Variants in ERBB2 observed in about 807,000 individuals in gnomAD.
The protein encoded by ERBB2 is receptor tyrosine-protein kinase erbB-2.
In ERBB2, 61 loss-of-function variants were observed where a neutral mutation model predicts 149.0. The ratio of observed to expected loss-of-function variants is 0.41; its 90% CI spans 0.33 to 0.51. ERBB2 has a LOEUF of 0.51. Among genes scored for constraint, ERBB2 ranks in the 20% least tolerant of loss-of-function variants. The pLI is 0.25. For synonymous variants in ERBB2, 633 were observed against 678.8 expected, an observed-to-expected ratio of 0.93 and a Z score of 1.05; for missense variants, 1,205 against 1,655.1, an observed-to-expected ratio of 0.73 and a Z score of 4.72.
rs1411350560 is a variant in ERBB2 at position 39,727,801 on chromosome 17, A to G, written c.3525A>G (p.Pro1175=). 2 of 1,613,308 alleles carry G rather than the reference A, an allele frequency of 1.2e-6. No homozygotes were observed. Among genetic ancestry groups the G allele is most frequent in the Middle Eastern group, 1.7e-4 (1 of 6,050 alleles). Residue 1175 remains proline (P), a synonymous_variant, in exon 27 of 27, where the codon CCA becomes CCG. Transcript: ENST00000269571. This position sits in a 1 kb window ranked among gnomAD's most constrained non-coding sequence, Gnocchi z 4.3. ...TGGAAAGGCCCAAGACTCTCTCCCC[A>G]GGGAAGAATGGGGTCGTCAAAGACG... ...ATLERPKTLS[P]GKNGVVKDVF...
chr17:39,692,681 A>G (rs2057740939), upstream of ERBB2, among the ~76,000 whole-genome samples: 1 of 152,144 alleles, frequency 6.6e-6, no homozygotes, highest in Non-Finnish European at 1.5e-5. Context: ...CTAGGATTAC[A>G]GGCGTGAGCC....
chr17:39,719,679 TG>T, intron 15 of ERBB2, 107 bp from the exon 16 acceptor site: 2 of 1,095,486 alleles, frequency 1.8e-6, no homozygotes, highest in Non-Finnish European at 2.8e-6. Flanking sequence ...CTTTGTCAAA[TG>T]GGGATAATGA....
intron 1 of ERBB2, among the ~76,000 whole-genome samples, chr17:39,703,705 T>C (rs2058247179): frequency 6.6e-6 from 1 of 152,174 alleles, no homozygotes; most frequent in Non-Finnish European, 1.5e-5. Flanking sequence ...GATCACTCAG[T>C]GAGCAGCTGA....
In ERBB2 at chr17:39,725,156, T is replaced by C. The variant is rs2145866320; in HGVS notation, c.2601T>C (p.Ala867=). Residue 867 remains alanine, a synonymous_variant, in exon 21 of 27, where the codon GCT becomes GCC. Coordinates refer to ENST00000269571, the MANE Select transcript of ERBB2 (RefSeq NM_004448.4). The surrounding 1 kb of genome is among the most constrained non-coding windows in gnomAD (Gnocchi z 4.6). ...TCAAAATTACAGACTTCGGGCTGGC[T>C]CGGCTGCTGGACATTGACGAGACAG... ...NHVKITDFGL[A]RLLDIDETEY... is the part of the protein sequence containing the mutation. The C allele has an allele frequency of 1.2e-6, 2 of 1,614,078 alleles. No homozygotes were observed. Among genetic ancestry groups the C allele is most frequent in the Non-Finnish European group, 1.7e-6 (2 of 1,180,016 alleles).
In ERBB2 at chr17:39,710,491, A is replaced by G. The variant is rs760608886; in HGVS notation, c.901+10A>G. 3.1e-6 allele frequency: 5 copies of G among 1,613,830 alleles called. No homozygotes were observed. Among genetic ancestry groups the G allele is most frequent in the Non-Finnish European group, 3.4e-6 (4 of 1,180,022 alleles). Reference sequence around the variant, plus strand: ...GTGACTGCCTGTCCCTGTGAGTGCCAGGGAGAAACACAGTTTTCTCATTTT... The same window carrying G: ...GTGACTGCCTGTCCCTGTGAGTGCCGGGGAGAAACACAGTTTTCTCATTTT... On this transcript the variant is annotated intron_variant, in intron 7 of 26. Transcript: ENST00000269571.
At chr17:39,719,254 CCTT>C (rs1284678209) in intron 15 of ERBB2, among the ~76,000 whole-genome samples, 64 of 151,418 alleles carry the variant, frequency 4.2e-4, no homozygotes, top group South Asian at 2.1e-4. Flanking sequence ...CAGTGCAACT[CCTT>C]CTCAAGAAAA....
upstream of ERBB2, among the ~76,000 whole-genome samples, chr17:39,694,226 AATAT>A (rs1417710622): frequency 0.048 from 875 of 18,418 alleles, 23 homozygotes; most frequent in East Asian, 0.058. Context: ...AAAAAAAAAA[AATAT>A]ATATATATAT....
At chr17:39,694,129 G>A (rs2057771832), upstream of ERBB2, among the ~76,000 whole-genome samples, 2 of 136,838 alleles carry the variant, frequency 1.5e-5, no homozygotes, top group Admixed American at 7.7e-5. Flanking sequence ...GGGACACGGA[G>A]GTTGCAGTGA....
At chr17:39,701,257 T>C (rs1329540759) in intron 1 of ERBB2, among the ~76,000 whole-genome samples, 1 of 152,078 alleles carries the variant, frequency 6.6e-6, no homozygotes, top group African/African-American at 2.4e-5. Flanking sequence ...GAACTGTTTG[T>C]GGTGTTTTGC....
Position 39,726,810 on chromosome 17 carries a change from CA to C in ERBB2, c.2971-4del. 1.2e-6 allele frequency: 2 copies of C among 1,610,046 alleles called. No homozygotes were observed. The highest frequency in any genetic ancestry group is 1.7e-6 in the Non-Finnish European group (2 of 1,177,242). ...GCCACCATCCTGCCTCTCCTTCCTC[CA>C]CAGAATGAGGACTTGGGCCCAGCCA... On this transcript the variant is annotated splice_polypyrimidine_tract_variant and splice_region_variant and intron_variant, in intron 24 of 26. Coordinates refer to ENST00000269571, the MANE Select transcript of ERBB2 (RefSeq NM_004448.4). The surrounding 1 kb of genome is among the most constrained non-coding windows in gnomAD (Gnocchi z 5.1).
Position 39,700,260 on chromosome 17 carries a change from C to T in ERBB2, c.22C>T (p.Arg8Cys), listed in dbSNP as rs2058006754. Reference sequence around the variant, plus strand: ...CACCATGGAGCTGGCGGCCTTGTGCCGCTGGGGGCTCCTCCTCGCCCTCTT... The same window carrying T: ...CACCATGGAGCTGGCGGCCTTGTGCTGCTGGGGGCTCCTCCTCGCCCTCTT... MELAALC[R>C]WGLLLALLPP... Residue 8 changes from arginine (R) to cysteine (C), a missense_variant, in exon 1 of 27, where the codon CGC becomes TGC. This residue lies in a region of ERBB2 where 101 missense variants were observed against 95.1 expected (regional missense o/e 1.06). Coordinates refer to ENST00000269571, the MANE Select transcript of ERBB2 (RefSeq NM_004448.4). The T allele has an allele frequency of 1.4e-6, 2 of 1,442,126 alleles. No individual in the cohort carries two copies. 89.3% of individuals were successfully genotyped at this position (1,442,126 alleles called of 1,614,324 possible).
In ERBB2 at chr17:39,726,177, TAAA is replaced by T. The variant is rs1567914686; in HGVS notation, c.2872+329_2872+331del. 2.6e-6 allele frequency: 1 copy of T among 387,766 alleles called. No individual in the cohort carries two copies. Among genetic ancestry groups the T allele is most frequent in the African/African-American group, 2.1e-5 (1 of 48,470 alleles). The allele number at this position is 387,766 out of a possible 1,614,324, so 24.0% of individuals were successfully genotyped here. ...AGTGAGATCCTATCTCTACAAAAAA[TAAA>T]AAAATTATCTGGGTGTGGTGGTGTG... is the stretch of plus-strand genomic sequence containing the variant. On this transcript the variant is annotated intron_variant, in intron 23 of 26. Transcript: ENST00000269571. The surrounding 1 kb of genome is among the most constrained non-coding windows in gnomAD (Gnocchi z 5.1).
intron 16 of ERBB2, among the ~76,000 whole-genome samples, chr17:39,720,685 C>T (rs1050773135): frequency 1.3e-5 from 2 of 152,126 alleles, no homozygotes; most frequent in African/African-American, 4.8e-5. Context: ...GAGTCTCACT[C>T]TGCCTGCAGG....
At chr17:39,709,505 C>T (rs1339641544) in intron 4 of ERBB2, 53 bp downstream of exon 4, 79 of 1,604,156 alleles carry the variant, frequency 4.9e-5, no homozygotes, top group South Asian at 4.5e-4. Flanking sequence ...TGACCCCAGC[C>T]GCAAACTCCC....
intron 1 of ERBB2, among the ~76,000 whole-genome samples, chr17:39,700,916 G>T (rs573348422): frequency 6.6e-6 from 1 of 151,904 alleles, no homozygotes; most frequent in East Asian, 1.9e-4. Flanking sequence ...CTCTTGCTGG[G>T]GTCTGGGTTG....
At position 39,716,530 on chromosome 17, in the gene ERBB2, T is replaced by C. The variant is rs774426489; in HGVS notation, c.1662T>C (p.Tyr554=). Residue 554 remains tyrosine (Y), a synonymous_variant, in exon 14 of 27, where the codon TAT becomes TAC. Transcript: ENST00000269571. ...CRVLQGLPRE[Y]VNARHCLPCH... is the part of the protein sequence containing the mutation. ...CTTCTCTCAGGCTCCCCAGGGAGTA[T>C]GTGAATGCCAGGCACTGTTTGCCGT... 2.5e-6 allele frequency: 4 copies of C among 1,614,078 alleles called. No individual in the cohort carries two copies. Among genetic ancestry groups the C allele is most frequent in the Admixed American group, 1.7e-5 (1 of 60,022 alleles).
rs1433254236 is a variant in ERBB2 at position 39,726,790 on chromosome 17, C to T, written c.2971-25C>T. ...GCATGCTGGGCTGGGGAGGGGCCAC[C>T]ATCCTGCCTCTCCTTCCTCCACAGA... On this transcript the variant is annotated intron_variant, in intron 24 of 26. Coordinates refer to ENST00000269571, the MANE Select transcript of ERBB2 (RefSeq NM_004448.4). This position sits in a 1 kb window ranked among gnomAD's most constrained non-coding sequence, Gnocchi z 5.1. 5.6e-6 allele frequency: 9 copies of T among 1,605,600 alleles called. No individual in the cohort carries two copies. The highest frequency in any genetic ancestry group is 1.7e-5 in the Admixed American group (1 of 59,804).
Position 39,712,398 on chromosome 17 carries a change from C to G in ERBB2, c.1098C>G (p.Gly366=), listed in dbSNP as rs750577335. 2.5e-6 allele frequency: 4 copies of G among 1,614,048 alleles called. No individual in the cohort carries two copies. The South Asian group carries it at 3.3e-5, about 13-fold the overall frequency. Residue 366 remains glycine (G), a synonymous_variant, in exon 9 of 27, where the codon GGC becomes GGG. Coordinates refer to ENST00000269571, the MANE Select transcript of ERBB2 (RefSeq NM_004448.4). ...GTGCCAATATCCAGGAGTTTGCTGGCTGCAAGAAGATCTTTGGGAGCCTGG... is the reference window on the plus strand; with the variant it reads ...GTGCCAATATCCAGGAGTTTGCTGGGTGCAAGAAGATCTTTGGGAGCCTGG... The part of the protein sequence containing the change: ...VTSANIQEFA[G]CKKIFGSLAF...
At chr17:39,694,050 G>A (rs1274491175), upstream of ERBB2, among the ~76,000 whole-genome samples, 1 of 147,746 alleles carries the variant, frequency 6.8e-6, no homozygotes, top group Non-Finnish European at 1.5e-5. Flanking sequence ...GCTGGATGTG[G>A]TGGTGCATGC....
Sources: allele counts gnomAD v4.1 joint callset (sites outside exome capture counted in the v4.1 genomes callset), GRCh38; gene constraint gnomAD v4.1.1; regional missense constraint gnomAD v4.1.1; non-coding constraint Gnocchi (gnomAD v3.1); transcripts MANE v1.5; gene names NCBI Gene and HGNC (gene_info 2026-07-23, HGNC 2026-07-21).